The following CNTNAP4 variants were observed in gnomAD, a reference collection of about 807,000 sequenced individuals.
CNTNAP4 encodes the protein contactin-associated protein-like 4.
Under a neutral mutation model 148.4 loss-of-function variants are expected in CNTNAP4, and 98 were observed. The ratio of observed to expected loss-of-function variants is 0.66; its 90% CI spans 0.56 to 0.78. The LOEUF is 0.78. CNTNAP4 is among the 30% of genes least tolerant of loss of function. The pLI, the probability that CNTNAP4 is intolerant of heterozygous loss-of-function variation, is 0.00. For synonymous variants in CNTNAP4, 730 were observed against 565.1 expected, an observed-to-expected ratio of 1.29 and a Z score of -4.14; for missense variants, 1,935 against 1,565.6, an observed-to-expected ratio of 1.24 and a Z score of -3.98.
Position 76,449,854 on chromosome 16 carries a change from C to A in CNTNAP4, c.1067C>A (p.Ala356Asp). Reference sequence around the variant, plus strand: ...AAGCAGCAAAAACCACAGATCATTGCTATGGTGAGAGTCTTTATGCGAAGA... The same window carrying A: ...AAGCAGCAAAAACCACAGATCATTGATATGGTGAGAGTCTTTATGCGAAGA... ...LAKQQKPQII[A>D]MGNVSFSCSQ... Residue 356 changes from alanine (A) to aspartate (D), a missense_variant, in exon 7 of 24, where the codon GCT becomes GAT. Coordinates refer to ENST00000611870, the MANE Select transcript of CNTNAP4 (RefSeq NM_033401.5). 1 of 1,605,448 alleles carries A rather than the reference C, an allele frequency of 6.2e-7. No homozygotes were observed. The highest frequency in any genetic ancestry group is 8.5e-7 in the Non-Finnish European group (1 of 1,176,574).
chr16:76,403,252 C>T (rs760935518), intron 3 of CNTNAP4, among the ~76,000 whole-genome samples: 59 of 152,050 alleles, frequency 3.9e-4, no homozygotes, highest in African/African-American at 1.3e-3. Context: ...GCCACCACAC[C>T]TGGCAAATTT....
rs185999335 is a variant in CNTNAP4 at position 76,473,589 on chromosome 16, T to G, written c.1656-2350T>G. Reference sequence around the variant, plus strand: ...GAGATCGAGACCATCCTGGCTAACATGGTGAAGCCCCGTCTCTACTAAAAA... The same window carrying G: ...GAGATCGAGACCATCCTGGCTAACAGGGTGAAGCCCCGTCTCTACTAAAAA... On this transcript the variant is annotated intron_variant, in intron 10 of 23. Coordinates refer to ENST00000611870, the MANE Select transcript of CNTNAP4 (RefSeq NM_033401.5). 2.0e-5 allele frequency among the ~76,000 whole-genome samples: 3 copies of G among 152,002 alleles called. No homozygotes were observed. In the South Asian group the frequency reaches 6.2e-4, roughly 32 times the overall value.
At chr16:76,369,631 C>G (rs1304400778) in intron 3 of CNTNAP4, among the ~76,000 whole-genome samples, 2 of 152,176 alleles carry the variant, frequency 1.3e-5, no homozygotes, top group Non-Finnish European at 2.9e-5. Flanking sequence ...TACTTGAGCC[C>G]AGAAGTTCAA....
chr16:76,408,066 T>C (rs2078661107), intron 3 of CNTNAP4, among the ~76,000 whole-genome samples: 1 of 152,090 alleles, frequency 6.6e-6, no homozygotes. Flanking sequence ...AGTATTTTTT[T>C]TAGCAATCAA....
intron 1 of CNTNAP4, among the ~76,000 whole-genome samples, chr16:76,310,699 T>C (rs1961004391): frequency 6.6e-6 from 1 of 152,214 alleles, no homozygotes; most frequent in Non-Finnish European, 1.5e-5. Context: ...ATACGATTCA[T>C]TAGCAGGCAT....
At chr16:76,491,704 C>T (rs200277064) in intron 13 of CNTNAP4, among the ~76,000 whole-genome samples, 20 of 152,138 alleles carry the variant, frequency 1.3e-4, no homozygotes, top group Non-Finnish European at 2.6e-4. Flanking sequence ...GAACTCAGGT[C>T]ATTTATGTGG....
intron 3 of CNTNAP4, among the ~76,000 whole-genome samples, chr16:76,375,545 A>G (rs1214001479): frequency 3.3e-5 from 5 of 152,236 alleles, no homozygotes; most frequent in Admixed American, 1.3e-4. Flanking sequence ...GTTCTAGCAC[A>G]CAGTAGAACA....
rs373902044 is a variant in CNTNAP4 at position 76,352,277 on chromosome 16, A to AT, written c.197-3039dup. 5.0e-3 allele frequency among the ~76,000 whole-genome samples: 757 copies of AT among 152,292 alleles called. 4 individuals are homozygous for AT. The highest frequency in any genetic ancestry group is 0.017 in the African/African-American group (716 of 41,560). On this transcript the variant is annotated intron_variant, in intron 2 of 23. Coordinates refer to ENST00000611870, the MANE Select transcript of CNTNAP4 (RefSeq NM_033401.5). Reference sequence around the variant, plus strand: ...ACAGGGCCTGGAGGGAAAGAATAAAATTAGATAGGACAGTGGAGAGAAAAA... The same window carrying AT: ...ACAGGGCCTGGAGGGAAAGAATAAAATTTAGATAGGACAGTGGAGAGAAAAA...
chr16:76,366,269 C>T (rs189767847), intron 3 of CNTNAP4, among the ~76,000 whole-genome samples: 1 of 152,064 alleles, frequency 6.6e-6, no homozygotes, highest in African/African-American at 2.4e-5. Context: ...TTTTTCTGCT[C>T]CTCTCTGTCT....
chr16:76,446,027 G>A (rs1310341750), intron 4 of CNTNAP4, among the ~76,000 whole-genome samples: 1 of 152,116 alleles, frequency 6.6e-6, no homozygotes, highest in Non-Finnish European at 1.5e-5. Flanking sequence ...TCTACAGAAT[G>A]CAGTATTTAT....
At chr16:76,495,129 G>A in intron 14 of CNTNAP4, 63 bp downstream of exon 14, 3 of 1,557,090 alleles carry the variant, frequency 1.9e-6, no homozygotes, top group Non-Finnish European at 2.6e-6. Context: ...ATCACTCAAA[G>A]TATGTATAGC....
intron 4 of CNTNAP4, among the ~76,000 whole-genome samples, chr16:76,433,898 C>T (rs1021655692): frequency 2.0e-5 from 3 of 151,944 alleles, no homozygotes; most frequent in Non-Finnish European, 4.4e-5. Flanking sequence ...AGAAGATAGA[C>T]TCTGATTGGC....
chr16:76,446,041 T>C (rs949573567), intron 4 of CNTNAP4, among the ~76,000 whole-genome samples: 9 of 152,164 alleles, frequency 5.9e-5, no homozygotes, highest in African/African-American at 2.2e-4. Flanking sequence ...TATTTATTCA[T>C]GTGCACTTGG....
At position 76,553,139 on chromosome 16, in the gene CNTNAP4, T is replaced by C. The variant is rs1279782114; in HGVS notation, c.3443-144T>C. 9.2e-5 allele frequency: 54 copies of C among 585,264 alleles called. 1 individual carries two copies. The East Asian group carries it at 1.5e-3, about 16-fold the overall frequency. The allele number at this position is 585,264 out of a possible 1,614,324, so 36.3% of individuals were successfully genotyped here. Reference sequence around the variant, plus strand: ...CAATAGTAGTGGAAAGAATAATGGATTTTTATCTTTTTAGTAAAGATAAAA... The same window carrying C: ...CAATAGTAGTGGAAAGAATAATGGACTTTTATCTTTTTAGTAAAGATAAAA... On this transcript the variant is annotated intron_variant, in intron 21 of 23. Transcript: ENST00000611870.
intron 2 of CNTNAP4, among the ~76,000 whole-genome samples, chr16:76,328,651 GTT>G (rs1006303954): frequency 6.8e-6 from 1 of 146,854 alleles, no homozygotes. Context: ...TGTAAGGTGT[GTT>G]TTTTTTTTTG....
chr16:76,363,350 C>T (rs538550077), intron 3 of CNTNAP4, among the ~76,000 whole-genome samples: 1 of 151,982 alleles, frequency 6.6e-6, no homozygotes, highest in African/African-American at 2.4e-5. Flanking sequence ...TCAGTAGAGA[C>T]TGGGCTTCAC....
intron 4 of CNTNAP4, among the ~76,000 whole-genome samples, chr16:76,439,742 T>C (rs2079965938): frequency 6.6e-6 from 1 of 152,180 alleles, no homozygotes; most frequent in Admixed American, 6.6e-5. Context: ...TGGTTATATA[T>C]AGCACTTGAT....
intron 10 of CNTNAP4, among the ~76,000 whole-genome samples, chr16:76,470,671 C>A (rs1423491662): frequency 6.6e-6 from 1 of 150,892 alleles, no homozygotes; most frequent in African/African-American, 2.5e-5. Context: ...AACAAACAAA[C>A]AAAAAACCAG....
Position 76,423,810 on chromosome 16 carries a change from C to A in CNTNAP4, c.391-3642C>A, listed in dbSNP as rs561680218. On this transcript the variant is annotated intron_variant, in intron 3 of 23. Transcript: ENST00000611870. ...TAATAAATATAATAAATAGTAACTGCATATTTTTCCAAGTGACACTGGCAT... is the reference window on the plus strand; with the variant it reads ...TAATAAATATAATAAATAGTAACTGAATATTTTTCCAAGTGACACTGGCAT... Among the ~76,000 whole-genome samples the A allele has an allele frequency of 2.0e-5, 3 of 152,180 alleles. No individual in the cohort carries two copies. In the East Asian group the frequency reaches 5.8e-4, roughly 29 times the overall value.
Sources: gnomAD v4.1 joint callset for allele counts (sites outside exome capture counted in the v4.1 genomes callset) on GRCh38, gnomAD v4.1.1 for gene constraint, MANE v1.5 for transcripts, NCBI Gene and HGNC (gene_info 2026-07-23, HGNC 2026-07-21) for gene names.